Variants in RAD51 observed in about 807,000 individuals in gnomAD.
The protein encoded by RAD51 is DNA repair protein RAD51 homolog 1.
A neutral mutation model predicts 41.5 loss-of-function variants in RAD51; 14 were observed. The ratio of observed to expected loss-of-function variants is 0.34; its 90% CI spans 0.22 to 0.53. RAD51 has a LOEUF of 0.53. Among genes scored for constraint, RAD51 ranks in the 20% least tolerant of loss-of-function variants. The probability of loss-of-function intolerance (pLI) is 0.95; values close to 1 mark genes in which losing one functional copy is unlikely to be tolerated. For synonymous variants in RAD51, 136 were observed against 148.6 expected (o/e 0.92, Z 0.62); for missense variants, 234 against 422.0 (o/e 0.55, Z 3.90).
chr15:40,703,264 CAGTG>C (rs758874224), intron 3 of RAD51, among the ~76,000 whole-genome samples: 8 of 152,100 alleles, frequency 5.3e-5, no homozygotes, highest in Non-Finnish European at 1.0e-4. Context: ...ACTGAAATGA[CAGTG>C]AGTATATGAA....
upstream of RAD51, chr15:40,694,741 C>G (rs577957605): frequency 6.6e-6 from 1 of 152,336 alleles, no homozygotes; most frequent in South Asian, 2.1e-4. Context: ...CGATGCATGC[C>G]GGGAGATGTA....
At chr15:40,714,342 G>A (rs1413206530) in intron 5 of RAD51, among the ~76,000 whole-genome samples, 9 of 152,218 alleles carry the variant, frequency 5.9e-5, no homozygotes, top group Non-Finnish European at 1.3e-4. Context: ...GACATGATAT[G>A]TGACCTTTTT....
chr15:40,722,971 A>G (rs574949625), intron 6 of RAD51, among the ~76,000 whole-genome samples: 1 of 152,360 alleles, frequency 6.6e-6, no homozygotes, highest in Non-Finnish European at 1.5e-5. Flanking sequence ...ATAAATGTCT[A>G]GTATCTAGAA....
intron 5 of RAD51, among the ~76,000 whole-genome samples, chr15:40,711,961 A>G (rs991505980): frequency 6.6e-6 from 1 of 151,882 alleles, no homozygotes; most frequent in Non-Finnish European, 1.5e-5. Context: ...AGTGGCAGCT[A>G]CTTGGGAGGT....
At chr15:40,716,657 CTTTTTT>C (rs34860677) in intron 5 of RAD51, among the ~76,000 whole-genome samples, 9 of 88,154 alleles carry the variant, frequency 1.0e-4, no homozygotes, top group Admixed American at 9.0e-4. Flanking sequence ...CTCTCTACTT[CTTTTTT>C]TTTTTTTTTT....
At chr15:40,712,120 A>G (rs1895736326) in intron 5 of RAD51, among the ~76,000 whole-genome samples, 1 of 152,044 alleles carries the variant, frequency 6.6e-6, no homozygotes, top group African/African-American at 2.4e-5. Context: ...GAAGGTTAAG[A>G]AGTTTAAACT....
At chr15:40,699,539 G>T (rs1481769962) in intron 2 of RAD51, among the ~76,000 whole-genome samples, 1 of 152,210 alleles carries the variant, frequency 6.6e-6, no homozygotes, top group African/African-American at 2.4e-5. Flanking sequence ...ACCTGCCTTG[G>T]CGTCCCAAAC....
intron 9 of RAD51, 21 bp downstream of exon 9, chr15:40,729,995 G>A (rs1224795959): frequency 1.2e-6 from 2 of 1,613,080 alleles, no homozygotes; most frequent in East Asian, 2.2e-5. Context: ...GATGGGATCA[G>A]TTCTTCTTTT....
chr15:40,730,858 A>G (rs1450202168), intron 9 of RAD51, among the ~76,000 whole-genome samples, 197 bp from the exon 10 acceptor site: 5 of 151,878 alleles, frequency 3.3e-5, no homozygotes, highest in African/African-American at 7.3e-5. Flanking sequence ...TTCAATATGG[A>G]CAATCCACTG....
chr15:40,695,947 T>G (rs1894599509), intron 1 of RAD51: 2 of 152,316 alleles, frequency 1.3e-5, no homozygotes, highest in Non-Finnish European at 2.9e-5. Context: ...CGATCTCGGC[T>G]CACTGCAACC....
At chr15:40,725,940 C>G (rs752779621) in intron 6 of RAD51, among the ~76,000 whole-genome samples, 2 of 151,886 alleles carry the variant, frequency 1.3e-5, no homozygotes, top group Non-Finnish European at 2.9e-5. Context: ...GAGCCAGGAT[C>G]GTGCCACTGT....
At chr15:40,719,621 A>C (rs1374953106) in intron 6 of RAD51, among the ~76,000 whole-genome samples, 1 of 152,216 alleles carries the variant, frequency 6.6e-6, no homozygotes, top group Admixed American at 6.6e-5. Context: ...TCACGAGGTC[A>C]GGAGATCGAA....
At chr15:40,714,576 C>T (rs1895892320) in intron 5 of RAD51, among the ~76,000 whole-genome samples, 1 of 152,118 alleles carries the variant, frequency 6.6e-6, no homozygotes, top group Non-Finnish European at 1.5e-5. Context: ...GTTAAAATAA[C>T]ATTTACAGAT....
chr15:40,716,979 A>G (rs1896023142), intron 5 of RAD51, among the ~76,000 whole-genome samples: 1 of 151,888 alleles, frequency 6.6e-6, no homozygotes, highest in Non-Finnish European at 1.5e-5. Context: ...CTCTACTTTT[A>G]TATTGTTTAG....
At chr15:40,725,790 C>T (rs1896549213) in intron 6 of RAD51, among the ~76,000 whole-genome samples, 1 of 152,028 alleles carries the variant, frequency 6.6e-6, no homozygotes, top group Admixed American at 6.6e-5. Context: ...GAGTTTGAGA[C>T]CAGCGTGGCA....
intron 5 of RAD51, 92 bp downstream of exon 5, chr15:40,709,208 C>T: frequency 9.2e-7 from 1 of 1,087,040 alleles, no homozygotes; most frequent in Non-Finnish European, 1.4e-6. Flanking sequence ...ATAAAAGGTA[C>T]TTTCTCTGTC....
At chr15:40,698,419 C>G (rs928925076) in intron 1 of RAD51, among the ~76,000 whole-genome samples, 1 of 152,090 alleles carries the variant, frequency 6.6e-6, no homozygotes, top group African/African-American at 2.4e-5. Flanking sequence ...ATCTCCTGAC[C>G]TGGTGATCTG....
chr15:40,724,970 G>A (rs1896503924), intron 6 of RAD51, among the ~76,000 whole-genome samples: 1 of 143,400 alleles, frequency 7.0e-6, no homozygotes, highest in Admixed American at 7.1e-5. Context: ...CGCAATCTCG[G>A]CTCACTGCAA....
At chr15:40,725,781 AGTTTGAGACCAGC>A (rs2141873345) in intron 6 of RAD51, among the ~76,000 whole-genome samples, 1 of 152,214 alleles carries the variant, frequency 6.6e-6, no homozygotes, top group African/African-American at 2.4e-5. Flanking sequence ...TAAGGTCAGG[AGTTTGAGACCAGC>A]GTGGCAACAT....
Sources: allele counts gnomAD v4.1 joint callset (sites outside exome capture counted in the v4.1 genomes callset), GRCh38; gene constraint gnomAD v4.1.1; transcripts MANE v1.5; gene names NCBI Gene and HGNC (gene_info 2026-07-23, HGNC 2026-07-21).